C10orf90: variants seen among roughly 807,000 people sequenced by gnomAD.
C10orf90 encodes the protein (E2-independent) E3 ubiquitin-conjugating enzyme FATS.
Under a neutral mutation model 62.5 loss-of-function variants are expected in C10orf90, and 56 were observed. That is an observed-to-expected ratio of 0.90 (90% CI 0.72 to 1.12). C10orf90 has a LOEUF of 1.12. C10orf90 is among the 50% of genes most tolerant of loss of function. The pLI, the probability that C10orf90 is intolerant of heterozygous loss-of-function variation, is 0.00. For synonymous variants in C10orf90, 386 were observed against 340.4 expected (o/e 1.13, Z -1.47); for missense variants, 970 against 880.4 (o/e 1.10, Z -1.29).
At chr10:126,570,945 T>C (rs114248019) in intron 2 of C10orf90, among the ~76,000 whole-genome samples, 5,183 of 152,314 alleles carry the variant, frequency 0.034, 297 homozygotes, top group African/African-American at 0.12. Flanking sequence ...CAATGCTCCC[T>C]GCTGCAGCAT....
chr10:126,455,586 C>T lies in C10orf90; in HGVS notation c.2188+3454G>A, dbSNP rs4623806. ...AAGTTCCTTCTGTCACTGCTAGAGA[C>T]GTGGGAAGGTGGCTCAGGTGGCACC... On this transcript the variant is annotated intron_variant, in intron 7 of 9. Transcript: ENST00000488181. Among the ~76,000 whole-genome samples, 9 of 152,146 alleles carry T rather than the reference C, an allele frequency of 5.9e-5. 1 individual carries two copies. The highest frequency in any genetic ancestry group is 2.1e-4 in the South Asian group (1 of 4,824).
At chr10:126,533,743 C>A (rs1009935134) in intron 2 of C10orf90, among the ~76,000 whole-genome samples, 2 of 152,122 alleles carry the variant, frequency 1.3e-5, no homozygotes, top group African/African-American at 2.4e-5. Flanking sequence ...GTCCTGCCTG[C>A]GAAATGAGAA....
intron 2 of C10orf90, among the ~76,000 whole-genome samples, chr10:126,526,213 C>A (rs1863939913): frequency 1.3e-5 from 2 of 151,826 alleles, no homozygotes; most frequent in South Asian, 4.2e-4. Context: ...TTCCTGATGG[C>A]CTGAGATGAT....
chr10:126,655,394 A>G (rs117130950), intron 1 of C10orf90, among the ~76,000 whole-genome samples: 13,743 of 152,264 alleles, frequency 0.09, 692 homozygotes, highest in South Asian at 0.16. Context: ...AAAAAGTTTG[A>G]AATATTGTGA....
intron 2 of C10orf90, among the ~76,000 whole-genome samples, chr10:126,573,826 A>G (rs771563448): frequency 6.6e-6 from 1 of 151,836 alleles, no homozygotes; most frequent in African/African-American, 2.4e-5. Flanking sequence ...AAGAGCTCTA[A>G]CTTTGCTTTT....
intron 2 of C10orf90, among the ~76,000 whole-genome samples, chr10:126,623,603 AG>A (rs1845687603): frequency 6.6e-6 from 1 of 152,020 alleles, no homozygotes; most frequent in Admixed American, 6.6e-5. Flanking sequence ...GCACTTTGGG[AG>A]GCCAAAGTGG....
At chr10:126,500,843 A>G (rs75971371) in intron 4 of C10orf90, among the ~76,000 whole-genome samples, 2,615 of 152,306 alleles carry the variant, frequency 0.017, 67 homozygotes, top group African/African-American at 0.059. Context: ...CTCATTCATG[A>G]ATACAATTTG....
At chr10:126,625,398 TTCC>T (rs1250762622) in intron 2 of C10orf90, among the ~76,000 whole-genome samples, 1 of 152,172 alleles carries the variant, frequency 6.6e-6, no homozygotes, top group Non-Finnish European at 1.5e-5. Flanking sequence ...CAGTGTTACT[TTCC>T]AAGCTGACTT....
intron 7 of C10orf90, among the ~76,000 whole-genome samples, chr10:126,442,483 A>ATATATATATATATATATATCTATC (rs1405218368): frequency 4.2e-5 from 3 of 71,744 alleles, no homozygotes; most frequent in African/African-American, 1.5e-4. Context: ...TATTTCATAT[A>ATATATATATATATATATATCTATC]TATATATATA....
intron 2 of C10orf90, among the ~76,000 whole-genome samples, chr10:126,549,523 G>GA (rs1564867375): frequency 6.6e-6 from 1 of 152,080 alleles, no homozygotes; most frequent in Non-Finnish European, 1.5e-5. Context: ...CCAAATTCTG[G>GA]CAAGGACACA....
chr10:126,474,321 C>G (rs1009563303), intron 4 of C10orf90, among the ~76,000 whole-genome samples: 5 of 152,274 alleles, frequency 3.3e-5, no homozygotes, highest in African/African-American at 1.2e-4. Flanking sequence ...CCACTCTAGA[C>G]GAGTCACCTC....
intron 2 of C10orf90, 121 bp from the exon 3 acceptor site, chr10:126,514,060 C>T: frequency 1.5e-6 from 1 of 688,416 alleles, no homozygotes; most frequent in Admixed American, 2.8e-5. Context: ...ACAGTAAATC[C>T]AGGATAGTCT....
intron 7 of C10orf90, among the ~76,000 whole-genome samples, chr10:126,441,190 A>G (rs1193947419): frequency 6.6e-6 from 1 of 152,194 alleles, no homozygotes; most frequent in East Asian, 1.9e-4. Flanking sequence ...TAAAGAAAAA[A>G]CAATCAACAC....
intron 2 of C10orf90, among the ~76,000 whole-genome samples, chr10:126,560,211 G>A (rs1048344910): frequency 1.3e-5 from 2 of 152,142 alleles, no homozygotes; most frequent in Non-Finnish European, 2.9e-5. Flanking sequence ...CGCAACCTCA[G>A]TGATTTGTAA....
intron 2 of C10orf90, among the ~76,000 whole-genome samples, chr10:126,534,277 C>G (rs530949118): frequency 6.6e-6 from 1 of 152,308 alleles, no homozygotes; most frequent in African/African-American, 2.4e-5. Flanking sequence ...TCTGTGCTTC[C>G]AATGTGGGCC....
intron 1 of C10orf90, among the ~76,000 whole-genome samples, chr10:126,650,885 AC>A (rs940112942): frequency 6.6e-6 from 1 of 150,968 alleles, no homozygotes; most frequent in Non-Finnish European, 1.5e-5. Context: ...CCTTCCTTCC[AC>A]CCCCCAGCCA....
intron 2 of C10orf90, among the ~76,000 whole-genome samples, chr10:126,527,816 C>T (rs1455371470): frequency 6.6e-6 from 1 of 152,144 alleles, no homozygotes; most frequent in African/African-American, 2.4e-5. Context: ...TTTTATTTAT[C>T]CGGCAAATAT....
chr10:126,568,871 G>C lies in C10orf90; in HGVS notation c.314-54932C>G, dbSNP rs528605823. Among the ~76,000 whole-genome samples, 4 of 152,238 alleles carry C rather than the reference G, an allele frequency of 2.6e-5. No individual in the cohort carries two copies. The East Asian group carries it at 7.8e-4, about 30-fold the overall frequency. ...CTGAAGAGTGAAGACAAGGAGGTTAGGGCATGAGGATCTTAAGGACGGTTC... is the reference window on the plus strand; with the variant it reads ...CTGAAGAGTGAAGACAAGGAGGTTACGGCATGAGGATCTTAAGGACGGTTC... On this transcript the variant is annotated intron_variant, in intron 2 of 9. Transcript: ENST00000488181.
At chr10:126,651,781 T>C (rs1846296729) in intron 1 of C10orf90, among the ~76,000 whole-genome samples, 1 of 152,200 alleles carries the variant, frequency 6.6e-6, no homozygotes, top group Admixed American at 6.5e-5. Flanking sequence ...TCTACTTGGA[T>C]CCCAAGAAGG....
Sources: gnomAD v4.1 joint callset for allele counts (sites outside exome capture counted in the v4.1 genomes callset) on GRCh38, gnomAD v4.1.1 for gene constraint, MANE v1.5 for transcripts, NCBI Gene and HGNC (gene_info 2026-07-23, HGNC 2026-07-21) for gene names.